The following FSTL4 variants were observed in gnomAD, a reference collection of about 807,000 sequenced individuals.
The protein encoded by FSTL4 is follistatin like 4.
In FSTL4, 28 loss-of-function variants were observed where a neutral mutation model predicts 78.2. The ratio of observed to expected loss-of-function variants is 0.36; its 90% CI spans 0.27 to 0.49. The LOEUF (loss-of-function observed/expected upper bound fraction) is 0.49, where lower values mean the gene tolerates loss of function less well. Among genes scored for constraint, FSTL4 ranks in the 20% least tolerant of loss-of-function variants. FSTL4 has a pLI of 0.98. For missense variants in FSTL4, 922 were observed against 1,084.9 expected (o/e 0.85, Z 2.11); for synonymous variants, 422 against 440.5 (o/e 0.96, Z 0.53).
At chr5:133,674,232 T>C in the FSTL4 span, among the ~76,000 whole-genome samples, 1 of 152,194 alleles carries the variant, frequency 6.6e-6, no homozygotes, top group Non-Finnish European at 1.5e-5. Flanking sequence ...ATCTGGGTGC[T>C]GAAGGCTGTT....
In FSTL4 at chr5:133,450,698, G is replaced by A. The variant is rs536418701; in HGVS notation, c.161-49712C>T. On this transcript the variant is annotated intron_variant, in intron 3 of 15. Coordinates refer to ENST00000265342, the MANE Select transcript of FSTL4 (RefSeq NM_015082.2). ...ATTAACTCCATTACAACAGGAGATG[G>A]TACTTTTCCCAGTTCGGCATCCCCA... is the stretch of plus-strand genomic sequence containing the variant. Among the ~76,000 whole-genome samples, 7 of 152,348 alleles carry A rather than the reference G, an allele frequency of 4.6e-5. 1 individual carries two copies. The highest frequency in any genetic ancestry group is 1.7e-4 in the African/African-American group (7 of 41,576).
At chr5:133,366,628 G>C (rs949590296) in intron 4 of FSTL4, among the ~76,000 whole-genome samples, 1 of 151,856 alleles carries the variant, frequency 6.6e-6, no homozygotes, top group Non-Finnish European at 1.5e-5. Context: ...TCTTCTTGGA[G>C]GAAACCCTCT....
chr5:133,737,841 G>A, the FSTL4 span, among the ~76,000 whole-genome samples: 1 of 152,124 alleles, frequency 6.6e-6, no homozygotes, highest in Admixed American at 6.5e-5. Flanking sequence ...CTGACCTCGT[G>A]ATCCACCTGC....
intron 7 of FSTL4, among the ~76,000 whole-genome samples, chr5:133,240,080 G>C (rs1407794145): frequency 5.9e-5 from 9 of 152,162 alleles, no homozygotes; most frequent in East Asian, 1.9e-4. Context: ...GGTTTACACT[G>C]ACTTTATCAG....
intron 6 of FSTL4, among the ~76,000 whole-genome samples, chr5:133,307,904 CCAAG>C (rs1369980038): frequency 6.6e-6 from 1 of 152,074 alleles, no homozygotes. Flanking sequence ...CCTCAGCCTC[CCAAG>C]TAGCTGAGAC....
the FSTL4 span, among the ~76,000 whole-genome samples, chr5:133,627,151 CTTTTTTT>C: frequency 3.5e-4 from 33 of 93,000 alleles, no homozygotes; most frequent in East Asian, 2.9e-4. Context: ...CTCTGTGTCT[CTTTTTTT>C]TTTTTTTTTT....
Position 133,316,396 on chromosome 5 carries a change from C to T in FSTL4, c.603+63G>A, listed in dbSNP as rs557025539. On this transcript the variant is annotated intron_variant, in intron 5 of 15. Coordinates refer to ENST00000265342, the MANE Select transcript of FSTL4 (RefSeq NM_015082.2). ...CACATGCTCTTAGACACCAGGGGGC[C>T]GGGGTGGGAAATGGAAAACTGGATT... is the stretch of plus-strand genomic sequence containing the variant. 500 of 1,306,438 alleles carry T rather than the reference C, an allele frequency of 3.8e-4. 4 individuals carry two copies. The African/African-American group carries it at 6.5e-3, about 17-fold the overall frequency. 80.9% of individuals were successfully genotyped at this position (1,306,438 alleles called of 1,614,324 possible).
chr5:133,815,414 G>A, the FSTL4 span, among the ~76,000 whole-genome samples: 2 of 152,200 alleles, frequency 1.3e-5, no homozygotes, highest in Non-Finnish European at 2.9e-5. Context: ...TTATGTTTGA[G>A]AGGTGGCCTG....
At chr5:133,274,380 C>CTTTTTTTTTTTTT (rs59634629) in intron 6 of FSTL4, among the ~76,000 whole-genome samples, 40,315 of 70,618 alleles carry the variant, frequency 0.57, 16,689 homozygotes, top group East Asian at 0.7. Flanking sequence ...GCAATCTGTG[C>CTTTTTTTTTTTTT]TTTTTTTTTT....
chr5:133,680,762 A>G, the FSTL4 span, among the ~76,000 whole-genome samples: 3,730 of 152,348 alleles, frequency 0.024, 149 homozygotes, highest in African/African-American at 0.084. Flanking sequence ...ATCTGGTTAC[A>G]GCAGAATGAA....
chr5:133,333,523 CACTAA>C (rs1445448489), intron 4 of FSTL4, among the ~76,000 whole-genome samples: 1 of 152,214 alleles, frequency 6.6e-6, no homozygotes, highest in Non-Finnish European at 1.5e-5. Flanking sequence ...ATCTTATTGT[CACTAA>C]CACACTGGCA....
rs762177525 is a variant in FSTL4 at position 133,199,089 on chromosome 5, G to C, written c.*6C>G. On this transcript the variant is annotated 3_prime_UTR_variant, in exon 16 of 16. Transcript: ENST00000265342. The surrounding 1 kb of genome is among the most constrained non-coding windows in gnomAD (Gnocchi z 4.4). ...TTCCTTGGCCCAGGGCTCTGCTCTG[G>C]GCCCTTCATACCTCACCCACCCACA... The C allele has an allele frequency of 6.6e-7, 1 of 1,505,518 alleles. No individual in the cohort carries two copies. Among genetic ancestry groups the C allele is most frequent in the African/African-American group, 1.4e-5 (1 of 71,688 alleles). 93.3% of individuals were successfully genotyped at this position (1,505,518 alleles called of 1,614,324 possible).
At chr5:133,710,827 T>A in the FSTL4 span, among the ~76,000 whole-genome samples, 10 of 152,204 alleles carry the variant, frequency 6.6e-5, no homozygotes, top group Non-Finnish European at 1.2e-4. Context: ...AACATCCTCA[T>A]CATATGAGAA....
intron 1 of FSTL4, among the ~76,000 whole-genome samples, chr5:133,609,108 A>T (rs185750138): frequency 6.6e-6 from 1 of 152,318 alleles, no homozygotes; most frequent in Non-Finnish European, 1.5e-5. Context: ...ACTAGCCATT[A>T]AGGATTAGCC....
the FSTL4 span, among the ~76,000 whole-genome samples, chr5:133,687,900 C>T: frequency 1.3e-5 from 2 of 152,220 alleles, no homozygotes; most frequent in Non-Finnish European, 2.9e-5. Context: ...CTCCCATCCC[C>T]AGGGAAGCTG....
intron 6 of FSTL4, among the ~76,000 whole-genome samples, chr5:133,267,382 A>G (rs1752667042): frequency 1.3e-5 from 2 of 152,186 alleles, no homozygotes; most frequent in South Asian, 4.1e-4. Context: ...AGGGGCAGTA[A>G]TGACAACCTG....
At chr5:133,351,070 T>A (rs1336486615) in intron 4 of FSTL4, among the ~76,000 whole-genome samples, 1 of 152,220 alleles carries the variant, frequency 6.6e-6, no homozygotes, top group Non-Finnish European at 1.5e-5. Flanking sequence ...TAAATTTTTT[T>A]ATTTTGGCCA....
At chr5:133,610,737 C>A (rs1201310017) in intron 1 of FSTL4, among the ~76,000 whole-genome samples, 1 of 152,210 alleles carries the variant, frequency 6.6e-6, no homozygotes, top group Non-Finnish European at 1.5e-5. Context: ...CAGAAACTGG[C>A]GCCTGGCTCC....
intron 6 of FSTL4, among the ~76,000 whole-genome samples, chr5:133,280,299 G>A (rs756332444): frequency 6.6e-5 from 10 of 152,186 alleles, no homozygotes; most frequent in Non-Finnish European, 1.3e-4. Flanking sequence ...AGTGGCAGGT[G>A]GGTATGGGGA....
Sources: gnomAD v4.1 joint callset for allele counts (sites outside exome capture counted in the v4.1 genomes callset) on GRCh38, gnomAD v4.1.1 for gene constraint, Gnocchi (gnomAD v3.1) non-coding constraint, MANE v1.5 for transcripts, NCBI Gene and HGNC (gene_info 2026-07-23, HGNC 2026-07-21) for gene names.